The following DMRT1 variants were observed in gnomAD, a reference collection of about 807,000 sequenced individuals.
DMRT1 encodes doublesex and mab-3 related transcription factor 1, also known as doublesex- and mab-3-related transcription factor 1.
DMRT1 carries 7 observed loss-of-function variants against 32.3 expected under a neutral mutation model. The ratio of observed to expected loss-of-function variants is 0.22; its 90% CI spans 0.12 to 0.41. DMRT1 has a LOEUF of 0.41. DMRT1 is among the 10% of genes least tolerant of loss of function. The pLI is 1.00. For synonymous variants in DMRT1, 278 were observed against 206.1 expected (o/e 1.35, Z -2.99); for missense variants, 625 against 500.5 (o/e 1.25, Z -2.37).
In DMRT1 at chr9:901,292, C is replaced by G. The variant is rs1274119018; in HGVS notation, c.822+7097C>G. On this transcript the variant is annotated intron_variant, in intron 3 of 4. Transcript: ENST00000382276. ...CTGGCCTCCCACAGTGCTGGGATTGCAGGCATGAGCCACCACGCCTGACCA... is the reference window on the plus strand; with the variant it reads ...CTGGCCTCCCACAGTGCTGGGATTGGAGGCATGAGCCACCACGCCTGACCA... Among the ~76,000 whole-genome samples, 4 of 149,138 alleles carry G rather than the reference C, an allele frequency of 2.7e-5. No individual in the cohort carries two copies. The East Asian group carries it at 8.1e-4, about 30-fold the overall frequency.
rs145162986 is a variant in DMRT1 at position 906,351 on chromosome 9, A to C, written c.823-10412A>C. On this transcript the variant is annotated intron_variant, in intron 3 of 4. Coordinates refer to ENST00000382276, the MANE Select transcript of DMRT1 (RefSeq NM_021951.3). ...CTCTCATGTTCTGTGCTCATAAGAC[A>C]CCCTTCACACTGCTGATTTATGCTA... Among the ~76,000 whole-genome samples, 652 of 150,186 alleles carry C rather than the reference A, an allele frequency of 4.3e-3. 1 individual carries two copies. Among genetic ancestry groups the C allele is most frequent in the African/African-American group, 0.015 (626 of 41,460 alleles).
At chr9:880,299 G>A (rs1279526885) in intron 2 of DMRT1, among the ~76,000 whole-genome samples, 3 of 152,182 alleles carry the variant, frequency 2.0e-5, no homozygotes, top group Admixed American at 2.0e-4. Context: ...CGTGTACTCT[G>A]AGGTACAGAT....
intron 4 of DMRT1, among the ~76,000 whole-genome samples, chr9:958,014 A>G (rs1423755925): frequency 6.6e-6 from 1 of 152,224 alleles, no homozygotes; most frequent in Non-Finnish European, 1.5e-5. Flanking sequence ...GTTTTTAAAA[A>G]AAGAAGAAAA....
chr9:912,597 A>G (rs1436919074), intron 3 of DMRT1, among the ~76,000 whole-genome samples: 1 of 152,236 alleles, frequency 6.6e-6, no homozygotes, highest in East Asian at 1.9e-4. Context: ...AGTTAAAAAA[A>G]AGAATTTTAC....
At chr9:878,570 G>A (rs1816606076) in intron 2 of DMRT1, among the ~76,000 whole-genome samples, 1 of 152,098 alleles carries the variant, frequency 6.6e-6, no homozygotes, top group South Asian at 2.1e-4. Context: ...CTCAGAGAAG[G>A]CCAGGAGTGG....
At chr9:945,870 G>T (rs1185038275) in intron 4 of DMRT1, among the ~76,000 whole-genome samples, 1 of 151,182 alleles carries the variant, frequency 6.6e-6, no homozygotes, top group South Asian at 2.1e-4. Flanking sequence ...CAGACCTTTT[G>T]CTATGAAATT....
At chr9:865,884 C>T (rs553139982) in intron 2 of DMRT1, among the ~76,000 whole-genome samples, 2 of 152,224 alleles carry the variant, frequency 1.3e-5, no homozygotes, top group African/African-American at 4.8e-5. Context: ...AGAGTGAGGG[C>T]AGCGCACGGT....
At chr9:868,353 C>G (rs936233784) in intron 2 of DMRT1, among the ~76,000 whole-genome samples, 5 of 152,198 alleles carry the variant, frequency 3.3e-5, no homozygotes, top group Non-Finnish European at 4.4e-5. Flanking sequence ...CTATATTTGC[C>G]TCAGCTTTCT....
chr9:891,022 C>T (rs747167153), intron 2 of DMRT1, among the ~76,000 whole-genome samples: 9 of 151,898 alleles, frequency 5.9e-5, no homozygotes, highest in South Asian at 2.1e-4. Flanking sequence ...TGAGCCACCG[C>T]GCTCAGCCTT....
At chr9:884,202 G>A (rs1021620117) in intron 2 of DMRT1, among the ~76,000 whole-genome samples, 1 of 151,976 alleles carries the variant, frequency 6.6e-6, no homozygotes. Context: ...CAAAGAGGGG[G>A]GCAAGCCTTC....
intron 1 of DMRT1, among the ~76,000 whole-genome samples, chr9:843,653 A>G (rs1838785732): frequency 6.6e-6 from 1 of 152,196 alleles, no homozygotes; most frequent in Non-Finnish European, 1.5e-5. Flanking sequence ...CGTTATTTCC[A>G]GTTAAAAGTT....
chr9:921,710 CA>C (rs1048500071), intron 4 of DMRT1, among the ~76,000 whole-genome samples: 1 of 151,986 alleles, frequency 6.6e-6, no homozygotes. Context: ...CCCATCTCTA[CA>C]AAAAAATAAA....
intron 3 of DMRT1, among the ~76,000 whole-genome samples, chr9:903,972 G>T (rs1817680433): frequency 6.6e-6 from 1 of 152,212 alleles, no homozygotes; most frequent in Admixed American, 6.5e-5. Context: ...TCCATTGTTA[G>T]ATGACTTCAG....
At chr9:904,202 T>C (rs763802052) in intron 3 of DMRT1, among the ~76,000 whole-genome samples, 9 of 152,244 alleles carry the variant, frequency 5.9e-5, no homozygotes, top group Non-Finnish European at 1.2e-4. Context: ...TTTTGAAAGC[T>C]TTCAGATTTG....
intron 4 of DMRT1, among the ~76,000 whole-genome samples, chr9:959,163 A>G (rs1429476917): frequency 6.6e-6 from 1 of 152,234 alleles, no homozygotes; most frequent in Non-Finnish European, 1.5e-5. Context: ...GACGACTCGT[A>G]GAGCATCTTC....
intron 2 of DMRT1, among the ~76,000 whole-genome samples, chr9:862,426 G>A (rs1236637564): frequency 6.6e-6 from 1 of 151,536 alleles, no homozygotes; most frequent in Non-Finnish European, 1.5e-5. Flanking sequence ...AGGCAGGGAG[G>A]CTGCAGTGAG....
intron 4 of DMRT1, among the ~76,000 whole-genome samples, chr9:966,204 C>G (rs767244026): frequency 6.6e-6 from 1 of 152,128 alleles, no homozygotes; most frequent in Non-Finnish European, 1.5e-5. Flanking sequence ...ATGCATATAA[C>G]AATACAAATT....
At chr9:861,091 T>C (rs1367246702) in intron 2 of DMRT1, among the ~76,000 whole-genome samples, 1 of 146,568 alleles carries the variant, frequency 6.8e-6, no homozygotes, top group Non-Finnish European at 1.5e-5. Flanking sequence ...TTGATCATTC[T>C]TGGGTGTTTC....
chr9:934,276 CAGTG>C (rs33984407), intron 4 of DMRT1, among the ~76,000 whole-genome samples: 40,359 of 151,874 alleles, frequency 0.27, 7,693 homozygotes, highest in African/African-American at 0.54. Context: ...TGATAGTGAC[CAGTG>C]AGTGACCTTT....
Sources: gnomAD v4.1 joint callset for allele counts (sites outside exome capture counted in the v4.1 genomes callset) on GRCh38, gnomAD v4.1.1 for gene constraint, MANE v1.5 for transcripts, NCBI Gene and HGNC (gene_info 2026-07-23, HGNC 2026-07-21) for gene names.